The following IFT122 variants were observed in gnomAD, a reference collection of about 807,000 sequenced individuals.
IFT122 encodes intraflagellar transport protein 122 homolog.
IFT122 carries 118 observed loss-of-function variants against 161.6 expected under a neutral mutation model. That is an observed-to-expected ratio of 0.73 (90% CI 0.63 to 0.85). The LOEUF is 0.85. IFT122 is among the 40% of genes least tolerant of loss of function. IFT122 has a pLI of 0.00. For missense variants in IFT122, 1,381 were observed against 1,579.6 expected (o/e 0.87, Z 2.13); for synonymous variants, 550 against 602.4 (o/e 0.91, Z 1.27).
At chr3:129,497,139 G>T (rs1202214744) in intron 18 of IFT122, among the ~76,000 whole-genome samples, 1 of 152,142 alleles carries the variant, frequency 6.6e-6, no homozygotes, top group Non-Finnish European at 1.5e-5. Context: ...AAAATTAGCT[G>T]GTGCCTGTAG....
Position 129,497,846 on chromosome 3 carries a change from A to C in IFT122, c.2209-2056A>C, listed in dbSNP as rs3774775. The stretch of plus-strand genomic sequence containing the variant: ...CGTGGCATATTTTTGTTTACTTGAA[A>C]ATTGCTTCCCAAGATTCAATCTGGT... On this transcript the variant is annotated intron_variant, in intron 18 of 29. Transcript: ENST00000348417. Among the ~76,000 whole-genome samples the C allele has an allele frequency of 0.032, 4,820 of 152,254 alleles. 629 individuals carry two copies. The East Asian group carries it at 0.41, about 13-fold the overall frequency.
At chr3:129,450,713 G>GTTTTTT (rs747032492) in intron 2 of IFT122, among the ~76,000 whole-genome samples, 20 of 80,982 alleles carry the variant, frequency 2.5e-4, no homozygotes, top group Middle Eastern at 9.1e-3. Context: ...GTGTGTGTGT[G>GTTTTTT]TTTTTTTTTT....
At chr3:129,455,688 T>A (rs920268166) in intron 3 of IFT122, among the ~76,000 whole-genome samples, 1 of 152,142 alleles carries the variant, frequency 6.6e-6, no homozygotes, top group Non-Finnish European at 1.5e-5. Context: ...CCCAAAACTT[T>A]ACTATTAATA....
chr3:129,493,301 T>C (rs1405692384), intron 17 of IFT122, among the ~76,000 whole-genome samples: 8 of 152,334 alleles, frequency 5.3e-5, no homozygotes, highest in South Asian at 2.1e-4. Flanking sequence ...CATTTCCCCA[T>C]AATAAACACC....
intron 3 of IFT122, among the ~76,000 whole-genome samples, chr3:129,455,674 A>AC (rs916982440): frequency 1.3e-5 from 2 of 151,190 alleles, no homozygotes; most frequent in Non-Finnish European, 2.9e-5. Context: ...TAATTTCTGA[A>AC]CCCCCCAAAA....
intron 8 of IFT122, among the ~76,000 whole-genome samples, chr3:129,467,682 A>T (rs764862072): frequency 1.3e-5 from 2 of 152,128 alleles, no homozygotes; most frequent in African/African-American, 2.4e-5. Context: ...TTCAGTTGAG[A>T]TTGCCTGTAG....
At chr3:129,504,138 G>T in intron 20 of IFT122, 181 bp from the exon 21 acceptor site, 19 of 578,700 alleles carry the variant, frequency 3.3e-5, no homozygotes, top group Non-Finnish European at 3.1e-5. Flanking sequence ...ATTGCCTTTT[G>T]TTTTCGAAGA....
intron 5 of IFT122, 136 bp from the exon 6 acceptor site, chr3:129,463,424 G>A: frequency 1.4e-6 from 1 of 726,070 alleles, no homozygotes; most frequent in East Asian, 2.7e-5. Flanking sequence ...ATGACCTTTT[G>A]AGATTATGTT....
rs1281919271 is a variant in IFT122 at position 129,476,340 on chromosome 3, T to A, written c.842T>A (p.Phe281Tyr). 1 of 1,614,206 alleles carries A rather than the reference T, an allele frequency of 6.2e-7. No individual in the cohort carries two copies. The highest frequency in any genetic ancestry group is 8.5e-7 in the Non-Finnish European group (1 of 1,180,034). ...KQIGKDRALN[F>Y]DPCCISYFTK... Reference sequence around the variant, plus strand: ...ATTGGAAAGGATCGGGCACTGAACTTTGACCCCTGCTGCATCAGCTACTTT... The same window carrying A: ...ATTGGAAAGGATCGGGCACTGAACTATGACCCCTGCTGCATCAGCTACTTT... Residue 281 changes from phenylalanine (F) to tyrosine (Y), a missense_variant, in exon 10 of 30, where the codon TTT becomes TAT. This residue lies in a region of IFT122 where 544 missense variants were observed against 648.0 expected (regional missense o/e 0.84). Transcript: ENST00000348417.
rs912544170 is a variant in IFT122, at chr3:129,476,144, A to G, written c.817-171A>G. On this transcript the variant is annotated intron_variant, in intron 9 of 29. Transcript: ENST00000348417. ...GTGTAGAGGATGAGTAGGGAGATGC[A>G]GAGGCAGAGAGGCCTGTGTTCACCA... 2.8e-6 allele frequency: 2 copies of G among 702,734 alleles called. 1 individual carries two copies. The highest frequency in any genetic ancestry group is 5.0e-6 in the Non-Finnish European group (2 of 399,640). The allele number at this position is 702,734 out of a possible 1,614,324, so 43.5% of individuals were successfully genotyped here. A position where few individuals can be genotyped will look rare whatever the true frequency, so the allele number is the denominator to read the frequency against.
chr3:129,460,449 TA>T (rs201377900), intron 4 of IFT122, among the ~76,000 whole-genome samples: 14 of 151,690 alleles, frequency 9.2e-5, no homozygotes, highest in East Asian at 3.9e-4. Context: ...TCTTTATTAT[TA>T]TTTTTTTTTA....
chr3:129,492,143 C>T lies in IFT122; in HGVS notation c.1995C>T (p.Ala665=), dbSNP rs1217109585. 6.2e-7 allele frequency: 1 copy of T among 1,611,234 alleles called. No homozygotes were observed. Among genetic ancestry groups the T allele is most frequent in the Non-Finnish European group, 8.5e-7 (1 of 1,177,708 alleles). Residue 665 remains alanine (A), a splice_region_variant and synonymous_variant, in exon 17 of 30, where the codon GCC becomes GCT. Transcript: ENST00000348417. The part of the protein sequence containing the change: ...EGLDFETAKK[A]FIRVQDLRYL... ...TATTCTTTATTTCTTCGCCACAGGC[C>T]TTCATCAGAGTACAAGACCTCCGAT...
intron 16 of IFT122, among the ~76,000 whole-genome samples, chr3:129,488,802 G>A (rs1440740713): frequency 6.6e-6 from 1 of 152,058 alleles, no homozygotes; most frequent in Non-Finnish European, 1.5e-5. Context: ...CACTGGCCAT[G>A]ATGCTGCACA....
chr3:129,448,855 T>C (rs2074382190), intron 1 of IFT122, among the ~76,000 whole-genome samples: 1 of 151,946 alleles, frequency 6.6e-6, no homozygotes, highest in South Asian at 2.1e-4. Context: ...CCCACCACCA[T>C]GCCCAGCTAA....
At chr3:129,519,076 T>G in intron 27 of IFT122, 31 bp from the exon 28 acceptor site, 1 of 1,597,276 alleles carries the variant, frequency 6.3e-7, no homozygotes, top group Non-Finnish European at 8.6e-7. Flanking sequence ...CATCTCTGCT[T>G]CTGATTCCAT....
At chr3:129,462,930 CATT>C (rs2076341941) in intron 5 of IFT122, among the ~76,000 whole-genome samples, 1 of 148,950 alleles carries the variant, frequency 6.7e-6, no homozygotes. Flanking sequence ...CAGAAAGCAT[CATT>C]GTTATTTTAA....
chr3:129,498,368 G>A (rs2081138484), intron 18 of IFT122, among the ~76,000 whole-genome samples: 1 of 152,224 alleles, frequency 6.6e-6, no homozygotes, highest in African/African-American at 2.4e-5. Context: ...AGCCAGGTAG[G>A]CAGGGTTTCC....
At chr3:129,443,456 G>A (rs572176942) in intron 1 of IFT122, among the ~76,000 whole-genome samples, 1 of 152,332 alleles carries the variant, frequency 6.6e-6, no homozygotes, top group East Asian at 1.9e-4. Context: ...TCCCAGCCCT[G>A]GAGTGTTCAA....
chr3:129,515,344 C>G, intron 25 of IFT122, 144 bp from the exon 26 acceptor site: 1 of 723,196 alleles, frequency 1.4e-6, no homozygotes, highest in Admixed American at 2.0e-5. Flanking sequence ...CATGGAGCTC[C>G]TGGGCCCGGC....
Sources: gnomAD v4.1 joint callset for allele counts (sites outside exome capture counted in the v4.1 genomes callset) on GRCh38, gnomAD v4.1.1 for gene constraint, gnomAD v4.1.1 regional missense constraint, MANE v1.5 for transcripts, NCBI Gene and HGNC (gene_info 2026-07-23, HGNC 2026-07-21) for gene names.